ADGRV1: variants seen among roughly 807,000 people sequenced by gnomAD.
The protein encoded by ADGRV1 is adhesion G protein-coupled receptor V1.
A neutral mutation model predicts 596.2 loss-of-function variants in ADGRV1; 359 were observed. The observed-to-expected ratio is 0.60, with a 90% CI of 0.55 to 0.66. The LOEUF (loss-of-function observed/expected upper bound fraction) is 0.66, where lower values mean the gene tolerates loss of function less well. Ranked by LOEUF, ADGRV1 falls within the 30% of genes least tolerant of loss-of-function variation. The pLI is 0.00. For synonymous variants in ADGRV1, 2,681 were observed against 2,679.2 expected, an observed-to-expected ratio of 1.00 and a Z score of -0.02; for missense variants, 7,274 against 7,575.6, an observed-to-expected ratio of 0.96 and a Z score of 1.48.
chr5:91,060,074 A>G (rs1787265444), intron 85 of ADGRV1, among the ~76,000 whole-genome samples: 1 of 152,188 alleles, frequency 6.6e-6, no homozygotes, highest in Non-Finnish European at 1.5e-5. Context: ...AACAGAGCTG[A>G]GTATTGGATT....
chr5:90,977,132 A>G (rs1779683400), intron 84 of ADGRV1, among the ~76,000 whole-genome samples: 1 of 152,138 alleles, frequency 6.6e-6, no homozygotes, highest in Non-Finnish European at 1.5e-5. Context: ...ATTTTGGGGG[A>G]CATCAAAGGT....
chr5:90,568,548 G>T (rs1209153509), intron 1 of ADGRV1, among the ~76,000 whole-genome samples: 1 of 152,160 alleles, frequency 6.6e-6, no homozygotes, highest in Non-Finnish European at 1.5e-5. Flanking sequence ...CTCTTCTGGA[G>T]ACTGCTTCAT....
At chr5:90,964,486 C>A (rs1778283355) in intron 83 of ADGRV1, among the ~76,000 whole-genome samples, 2 of 147,862 alleles carry the variant, frequency 1.4e-5, no homozygotes, top group Admixed American at 1.3e-4. Flanking sequence ...CTCCAAGTTT[C>A]CCCCTGCCAT....
intron 85 of ADGRV1, among the ~76,000 whole-genome samples, chr5:91,056,179 G>A (rs1278671629): frequency 6.6e-6 from 1 of 152,148 alleles, no homozygotes; most frequent in African/African-American, 2.4e-5. Flanking sequence ...AGAAGAATTG[G>A]GCCCTTTCTG....
At chr5:90,711,120 A>G (rs1216402181) in intron 40 of ADGRV1, 61 bp downstream of exon 40, 31 of 1,579,710 alleles carry the variant, frequency 2.0e-5, no homozygotes, top group Non-Finnish European at 2.5e-5. Context: ...TATCTACCAA[A>G]TAAAAGTTTC....
At chr5:90,595,025 C>G (rs1463365586) in intron 1 of ADGRV1, among the ~76,000 whole-genome samples, 1 of 144,912 alleles carries the variant, frequency 6.9e-6, no homozygotes, top group East Asian at 2.0e-4. Flanking sequence ...GGGTGGTGGC[C>G]GGGCAGAGGG....
chr5:90,834,860 AT>A (rs1336841109), intron 77 of ADGRV1, among the ~76,000 whole-genome samples: 1 of 144,802 alleles, frequency 6.9e-6, no homozygotes, highest in Non-Finnish European at 1.5e-5. Flanking sequence ...TCCTCTGCCT[AT>A]TTTCTTTCTT....
At chr5:90,828,171 A>G (rs947251676) in intron 76 of ADGRV1, among the ~76,000 whole-genome samples, 1 of 152,224 alleles carries the variant, frequency 6.6e-6, no homozygotes, top group Non-Finnish European at 1.5e-5. Context: ...GTGAAACATG[A>G]GCAAACTGTA....
In ADGRV1 at chr5:90,829,116, C is replaced by CTT; in HGVS notation, c.16543_16544dup (p.Leu5515PhefsTer2). ...CTGGCAGTGGCTCACAAGAAGGCCA[C>CTT]TTTAATCAGTCTGCAGGTGGCCAGA... is the stretch of plus-strand genomic sequence containing the variant. On this transcript the variant is annotated frameshift_variant, in exon 77 of 90. Transcript: ENST00000405460. LOFTEE classifies it high-confidence loss of function. 1 of 1,612,018 alleles carries CTT rather than the reference C, an allele frequency of 6.2e-7. No individual in the cohort carries two copies. The highest frequency in any genetic ancestry group is 1.1e-5 in the South Asian group (1 of 90,786).
chr5:90,668,268 T>C (rs1159430749), intron 21 of ADGRV1, among the ~76,000 whole-genome samples: 2 of 152,138 alleles, frequency 1.3e-5, no homozygotes, highest in Non-Finnish European at 2.9e-5. Flanking sequence ...CGAGACTCCA[T>C]GGGTGTAGGA....
intron 85 of ADGRV1, among the ~76,000 whole-genome samples, chr5:91,051,523 C>A (rs1430830833): frequency 6.8e-6 from 1 of 146,638 alleles, no homozygotes; most frequent in Non-Finnish European, 1.5e-5. Flanking sequence ...GTATTAAATG[C>A]ATTTTGACTT....
intron 74 of ADGRV1, among the ~76,000 whole-genome samples, chr5:90,814,669 A>G (rs1250085970): frequency 1.3e-5 from 2 of 151,938 alleles, no homozygotes; most frequent in Non-Finnish European, 2.9e-5. Context: ...TTCCCCTTCC[A>G]CCGTGATTGT....
At chr5:90,721,566 T>TAAAAAA (rs58539532) in intron 45 of ADGRV1, among the ~76,000 whole-genome samples, 1 of 115,016 alleles carries the variant, frequency 8.7e-6, no homozygotes, top group African/African-American at 3.5e-5. Flanking sequence ...TAAAATAAAA[T>TAAAAAA]AAAATAAAAT....
intron 1 of ADGRV1, among the ~76,000 whole-genome samples, chr5:90,604,361 A>G (rs1314180560): frequency 6.6e-6 from 1 of 152,184 alleles, no homozygotes; most frequent in Non-Finnish European, 1.5e-5. Context: ...AGATTCTTCA[A>G]TAAAAACAGA....
In ADGRV1 at chr5:91,031,239, C is replaced by T. The variant is rs1784456798; in HGVS notation, c.18153-41208C>T. ...TCCATGTGGTTCCTTCAAGGGGCTC[C>T]TCAGGTTGCTGTTGAATGTGTTCCA... On this transcript the variant is annotated intron_variant, in intron 85 of 89. Coordinates refer to ENST00000405460, the MANE Select transcript of ADGRV1 (RefSeq NM_032119.4). 8 of 1,589,756 alleles carry T rather than the reference C, an allele frequency of 5.0e-6. No homozygotes were observed. In the Admixed American group the frequency reaches 1.3e-4, roughly 27 times the overall value.
chr5:90,563,356 C>G (rs1009957376), intron 1 of ADGRV1, among the ~76,000 whole-genome samples: 1 of 152,202 alleles, frequency 6.6e-6, no homozygotes, highest in African/African-American at 2.4e-5. Context: ...TCCAAGTAGC[C>G]TTCTCTCCAG....
At chr5:90,987,277 A>G (rs1041911518) in intron 85 of ADGRV1, among the ~76,000 whole-genome samples, 66 of 151,986 alleles carry the variant, frequency 4.3e-4, no homozygotes, top group African/African-American at 1.6e-3. Flanking sequence ...TCAGGAGATC[A>G]AGACCATTCT....
chr5:90,667,977 C>T (rs1172382684), intron 21 of ADGRV1, among the ~76,000 whole-genome samples: 5 of 151,550 alleles, frequency 3.3e-5, no homozygotes, highest in African/African-American at 1.2e-4. Context: ...TCTCAGATCT[C>T]CAGCTGCGTA....
chr5:91,060,398 A>ATATATATATATATATTTTTT (rs796332430), intron 85 of ADGRV1, among the ~76,000 whole-genome samples: 1 of 60,470 alleles, frequency 1.7e-5, no homozygotes, highest in Admixed American at 1.2e-4. Flanking sequence ...ATATATATAT[A>ATATATATATATATATTTTTT]TTTTTTTTTT....
Sources: allele counts gnomAD v4.1 joint callset (sites outside exome capture counted in the v4.1 genomes callset), GRCh38; gene constraint gnomAD v4.1.1; transcripts MANE v1.5; gene names NCBI Gene and HGNC (gene_info 2026-07-23, HGNC 2026-07-21).